Variants in TBXAS1 observed in about 807,000 individuals in gnomAD.
TBXAS1 encodes thromboxane-A synthase.
Under a neutral mutation model 60.7 loss-of-function variants are expected in TBXAS1, and 48 were observed. The ratio of observed to expected loss-of-function variants is 0.79; its 90% CI spans 0.63 to 1.01. TBXAS1 has a LOEUF of 1.01. Among genes scored for constraint, TBXAS1 ranks in the 50% least tolerant of loss-of-function variants. The pLI, the probability that TBXAS1 is intolerant of heterozygous loss-of-function variation, is 0.00. For missense variants in TBXAS1, 685 were observed against 686.3 expected, an observed-to-expected ratio of 1.00 and a Z score of 0.02; for synonymous variants, 287 against 269.7, an observed-to-expected ratio of 1.06 and a Z score of -0.63.
chr7:139,949,578 T>C (rs1417656433), intron 5 of TBXAS1, among the ~76,000 whole-genome samples: 6 of 152,206 alleles, frequency 3.9e-5, no homozygotes, highest in African/African-American at 7.2e-5. Flanking sequence ...AAGTGACCCA[T>C]TGGCACACCC....
intron 9 of TBXAS1, among the ~76,000 whole-genome samples, chr7:139,989,201 C>T (rs1014558173): frequency 2.6e-5 from 4 of 152,218 alleles, no homozygotes; most frequent in Non-Finnish European, 1.5e-5. Context: ...AGGGGTTGCC[C>T]TCATTGGCCT....
chr7:139,836,391 G>A (rs1206368235), intron 1 of TBXAS1, among the ~76,000 whole-genome samples: 1 of 152,136 alleles, frequency 6.6e-6, no homozygotes, highest in African/African-American at 2.4e-5. Context: ...CAAATCTGGA[G>A]GCCTCACATT....
chr7:139,992,469 A>C (rs1192495158), intron 9 of TBXAS1, among the ~76,000 whole-genome samples: 1 of 152,274 alleles, frequency 6.6e-6, no homozygotes, highest in East Asian at 1.9e-4. Context: ...TCGCGGAGCC[A>C]TGTCTCTGGG....
At chr7:139,902,697 T>G (rs1804675388) in intron 3 of TBXAS1, among the ~76,000 whole-genome samples, 1 of 152,150 alleles carries the variant, frequency 6.6e-6, no homozygotes, top group African/African-American at 2.4e-5. Context: ...CAAAGCGGCT[T>G]TATGGTTTTA....
intron 4 of TBXAS1, among the ~76,000 whole-genome samples, chr7:139,931,177 G>A (rs1807300408): frequency 6.6e-6 from 1 of 152,036 alleles, no homozygotes; most frequent in Admixed American, 6.6e-5. Context: ...ATGCTCCTCT[G>A]TGTTTCCTAA....
chr7:139,901,132 C>T (rs1041699215), intron 3 of TBXAS1, among the ~76,000 whole-genome samples: 1 of 152,214 alleles, frequency 6.6e-6, no homozygotes, highest in Non-Finnish European at 1.5e-5. Context: ...ACTTCCCTTA[C>T]ATTTTTTCTC....
At chr7:139,788,964 G>A (rs1797288806) in intron 4 of TBXAS1, among the ~76,000 whole-genome samples, 1 of 152,228 alleles carries the variant, frequency 6.6e-6, no homozygotes, top group African/African-American at 2.4e-5. Context: ...AAGAAGGGCT[G>A]GAAATAAGGG....
intron 10 of TBXAS1, among the ~76,000 whole-genome samples, chr7:140,014,143 G>A (rs1814835239): frequency 6.6e-6 from 1 of 152,206 alleles, no homozygotes; most frequent in Non-Finnish European, 1.5e-5. Flanking sequence ...ATTGCAAAGA[G>A]GTCAATGAGA....
At chr7:139,889,701 T>C (rs1006412046) in intron 3 of TBXAS1, among the ~76,000 whole-genome samples, 2 of 152,116 alleles carry the variant, frequency 1.3e-5, no homozygotes, top group African/African-American at 4.8e-5. Flanking sequence ...CACCCTCCCG[T>C]GGTGGAAGAG....
chr7:139,781,390 T>G (rs1024032579), intron 2 of TBXAS1, among the ~76,000 whole-genome samples: 1 of 151,004 alleles, frequency 6.6e-6, no homozygotes, highest in South Asian at 2.1e-4. Context: ...ACCTGGGGAG[T>G]ACCAGTATTT....
intron 4 of TBXAS1, among the ~76,000 whole-genome samples, chr7:139,927,865 T>C (rs1265425417): frequency 6.6e-6 from 1 of 152,194 alleles, no homozygotes; most frequent in Non-Finnish European, 1.5e-5. Flanking sequence ...TATCCAACAA[T>C]ATTTTTAAGC....
At chr7:139,782,222 AGT>A (rs1797026555) in intron 2 of TBXAS1, among the ~76,000 whole-genome samples, 1 of 150,898 alleles carries the variant, frequency 6.6e-6, no homozygotes, top group Non-Finnish European at 1.5e-5. Context: ...TTTTTTTAAC[AGT>A]ACATGGAACT....
At chr7:139,865,734 GGAGGAGGAGGAA>G (rs1801340396) in intron 1 of TBXAS1, among the ~76,000 whole-genome samples, 2 of 115,968 alleles carry the variant, frequency 1.7e-5, no homozygotes, top group South Asian at 5.9e-4. Flanking sequence ...AGGAGGAAGA[GGAGGAGGAGGAA>G]GAGGAGGAGG....
intron 2 of TBXAS1, among the ~76,000 whole-genome samples, chr7:139,782,219 A>G (rs939910715): frequency 6.7e-6 from 1 of 148,804 alleles, no homozygotes; most frequent in Non-Finnish European, 1.5e-5. Flanking sequence ...TTTTTTTTTT[A>G]ACAGTACATG....
At chr7:139,870,057 C>T (rs1801709623) in intron 1 of TBXAS1, among the ~76,000 whole-genome samples, 1 of 152,148 alleles carries the variant, frequency 6.6e-6, no homozygotes, top group South Asian at 2.1e-4. Context: ...TGAAGATGCT[C>T]AAGTTCCAGA....
intron 11 of TBXAS1, chr7:140,016,334 A>G (rs986304010): frequency 9.0e-6 from 2 of 222,036 alleles, no homozygotes; most frequent in Non-Finnish European, 1.8e-5. Context: ...TCTAAAAAAA[A>G]ATAAATAAAT....
At chr7:139,824,275 G>C (rs1055362853), upstream of TBXAS1, among the ~76,000 whole-genome samples, 2 of 152,232 alleles carry the variant, frequency 1.3e-5, no homozygotes, top group African/African-American at 4.8e-5. Context: ...GCCCTACAAA[G>C]TGGGGCAAGT....
At chr7:139,984,651 AAAGGG>A (rs1812245594) in intron 9 of TBXAS1, among the ~76,000 whole-genome samples, 1 of 141,364 alleles carries the variant, frequency 7.1e-6, no homozygotes, top group African/African-American at 2.6e-5. Context: ...AGAAAGAAAG[AAAGGG>A]AAGGGGGAAA....
intron 9 of TBXAS1, among the ~76,000 whole-genome samples, chr7:139,984,357 C>A (rs946179048): frequency 6.6e-6 from 1 of 152,048 alleles, no homozygotes; most frequent in Non-Finnish European, 1.5e-5. Context: ...CTTAGATTCA[C>A]GTCCCTTCCA....
Sources: allele counts gnomAD v4.1 joint callset (sites outside exome capture counted in the v4.1 genomes callset), GRCh38; gene constraint gnomAD v4.1.1; transcripts MANE v1.5; gene names NCBI Gene and HGNC (gene_info 2026-07-23, HGNC 2026-07-21).